Variants in ZNF385B observed in about 807,000 individuals in gnomAD.
The protein encoded by ZNF385B is zinc finger protein 385B.
A neutral mutation model predicts 39.2 loss-of-function variants in ZNF385B; 23 were observed. The ratio of observed to expected loss-of-function variants is 0.59; its 90% CI spans 0.42 to 0.83. The LOEUF (loss-of-function observed/expected upper bound fraction) is 0.83, where lower values mean the gene tolerates loss of function less well. ZNF385B is among the 40% of genes least tolerant of loss of function. The pLI, the probability that ZNF385B is intolerant of heterozygous loss-of-function variation, is 0.00. For missense variants in ZNF385B, 552 were observed against 598.9 expected (o/e 0.92, Z 0.82); for synonymous variants, 205 against 222.6 (o/e 0.92, Z 0.70).
At chr2:179,680,784 T>C (rs1264773233) in intron 3 of ZNF385B, among the ~76,000 whole-genome samples, 3 of 152,088 alleles carry the variant, frequency 2.0e-5, no homozygotes, top group Non-Finnish European at 4.4e-5. Context: ...ACCCTAATTA[T>C]TAAAAGTAGT....
At chr2:179,806,647 T>C (rs1258613355) in intron 1 of ZNF385B, among the ~76,000 whole-genome samples, 1 of 152,224 alleles carries the variant, frequency 6.6e-6, no homozygotes, top group Non-Finnish European at 1.5e-5. Context: ...TAAGACATTC[T>C]CACATGTTAA....
At chr2:179,694,820 C>T (rs950445502) in intron 3 of ZNF385B, among the ~76,000 whole-genome samples, 5 of 152,074 alleles carry the variant, frequency 3.3e-5, no homozygotes, top group Non-Finnish European at 7.4e-5. Context: ...GTCCCAGCTA[C>T]TCGGGAGGCT....
chr2:179,562,509 T>C (rs909877652), intron 3 of ZNF385B: 101 of 985,212 alleles, frequency 1.0e-4, no homozygotes, highest in Non-Finnish European at 1.1e-4. Context: ...TCCCGTGAAA[T>C]GTGGTGCTAG....
intron 5 of ZNF385B, among the ~76,000 whole-genome samples, chr2:179,493,642 C>T (rs199938636): frequency 1.0e-3 from 89 of 86,700 alleles, no homozygotes; most frequent in Non-Finnish European, 1.4e-3. Context: ...TATGTATACA[C>T]ATATGCGTAT....
intron 3 of ZNF385B, among the ~76,000 whole-genome samples, chr2:179,735,816 G>A (rs1405843800): frequency 1.4e-4 from 21 of 149,280 alleles, no homozygotes; most frequent in Non-Finnish European, 5.9e-5. Flanking sequence ...CTCACTCATA[G>A]GTGGGAATTG....
intron 5 of ZNF385B, among the ~76,000 whole-genome samples, chr2:179,493,749 GTATATACA>G (rs1220901203): frequency 8.3e-6 from 1 of 120,520 alleles, no homozygotes; most frequent in Non-Finnish European, 1.8e-5. Flanking sequence ...ATACATATGT[GTATATACA>G]TATATGTATA....
intron 3 of ZNF385B, among the ~76,000 whole-genome samples, chr2:179,637,604 C>T (rs1044994859): frequency 6.6e-6 from 1 of 151,680 alleles, no homozygotes; most frequent in Non-Finnish European, 1.5e-5. Flanking sequence ...TTATTTGGGA[C>T]TTACTATTCA....
At chr2:179,849,758 A>G (rs111731482) in intron 1 of ZNF385B, among the ~76,000 whole-genome samples, 4 of 152,340 alleles carry the variant, frequency 2.6e-5, no homozygotes, top group African/African-American at 9.6e-5. Flanking sequence ...AACCTGATAA[A>G]TAAGTCAAGG....
intron 3 of ZNF385B, among the ~76,000 whole-genome samples, chr2:179,567,543 C>T (rs1323351136): frequency 6.6e-6 from 1 of 152,144 alleles, no homozygotes; most frequent in Non-Finnish European, 1.5e-5. Context: ...AGAAGTGGTA[C>T]AGGACAGATC....
intron 1 of ZNF385B, among the ~76,000 whole-genome samples, chr2:179,822,118 C>T (rs778214124): frequency 2.9e-4 from 44 of 152,252 alleles, no homozygotes; most frequent in Non-Finnish European, 6.0e-4. Context: ...ATTTCCTACA[C>T]AATAGGTTCC....
intron 3 of ZNF385B, among the ~76,000 whole-genome samples, chr2:179,700,728 T>C (rs1699127687): frequency 1.3e-5 from 2 of 152,140 alleles, no homozygotes; most frequent in African/African-American, 4.8e-5. Context: ...AGCTCATTGG[T>C]ATTGGCCAGG....
chr2:179,482,464 T>C (rs1354101764), intron 6 of ZNF385B, among the ~76,000 whole-genome samples: 1 of 152,208 alleles, frequency 6.6e-6, no homozygotes, highest in Non-Finnish European at 1.5e-5. Flanking sequence ...GATGTGAGAA[T>C]TGTGGAAGCC....
At chr2:179,822,098 C>T (rs1707430674) in intron 1 of ZNF385B, among the ~76,000 whole-genome samples, 2 of 152,106 alleles carry the variant, frequency 1.3e-5, no homozygotes, top group South Asian at 4.1e-4. Context: ...CTTGTTTCTC[C>T]ATGAAAAAAA....
chr2:179,824,271 A>T (rs936491105), intron 1 of ZNF385B, among the ~76,000 whole-genome samples: 1 of 152,152 alleles, frequency 6.6e-6, no homozygotes, highest in African/African-American at 2.4e-5. Context: ...GCTTAAACCA[A>T]TGAGAGCCCT....
chr2:179,622,115 C>A (rs1011806657), intron 3 of ZNF385B, among the ~76,000 whole-genome samples: 1 of 152,070 alleles, frequency 6.6e-6, no homozygotes, highest in Non-Finnish European at 1.5e-5. Flanking sequence ...TCCCTTAACA[C>A]AAAATATACT....
At chr2:179,804,606 C>T (rs1193658686) in intron 1 of ZNF385B, among the ~76,000 whole-genome samples, 2 of 152,130 alleles carry the variant, frequency 1.3e-5, no homozygotes, top group Non-Finnish European at 2.9e-5. Flanking sequence ...CCTCAGTTTC[C>T]TTGTCAAGAA....
intron 1 of ZNF385B, among the ~76,000 whole-genome samples, chr2:179,779,904 T>A (rs998407943): frequency 2.6e-4 from 40 of 152,334 alleles, no homozygotes; most frequent in African/African-American, 9.4e-4. Flanking sequence ...TATATTTTTT[T>A]ATTCATTAAA....
intron 3 of ZNF385B, among the ~76,000 whole-genome samples, chr2:179,700,054 GAA>G (rs1387153235): frequency 2.7e-3 from 125 of 46,082 alleles, no homozygotes; most frequent in Non-Finnish European, 5.7e-3. Context: ...TACACAAACA[GAA>G]AAACACACAC....
intron 1 of ZNF385B, among the ~76,000 whole-genome samples, chr2:179,772,408 A>G (rs554244977): frequency 1.4e-4 from 22 of 152,284 alleles, no homozygotes; most frequent in African/African-American, 5.3e-4. Flanking sequence ...TGGGGTATGC[A>G]TTCTGTTCAC....
Sources: allele counts gnomAD v4.1 joint callset (sites outside exome capture counted in the v4.1 genomes callset), GRCh38; gene constraint gnomAD v4.1.1; transcripts MANE v1.5; gene names NCBI Gene and HGNC (gene_info 2026-07-23, HGNC 2026-07-21).